Variants in PRKG1 observed in about 807,000 individuals in gnomAD.
PRKG1 encodes protein kinase cGMP-dependent 1, also known as cGMP-dependent protein kinase 1.
PRKG1 carries 35 observed loss-of-function variants against 88.1 expected under a neutral mutation model. The ratio of observed to expected loss-of-function variants is 0.40; its 90% CI spans 0.30 to 0.53. The LOEUF (loss-of-function observed/expected upper bound fraction) is 0.53. PRKG1 is among the 20% of genes least tolerant of loss of function. PRKG1 has a pLI of 0.59. For missense variants in PRKG1, 540 were observed against 839.8 expected, an observed-to-expected ratio of 0.64 and a Z score of 4.41; for synonymous variants, 303 against 292.5, an observed-to-expected ratio of 1.04 and a Z score of -0.37.
At chr10:51,595,212 G>C (rs1462484428) in intron 3 of PRKG1, among the ~76,000 whole-genome samples, 6 of 152,172 alleles carry the variant, frequency 3.9e-5, no homozygotes, top group Admixed American at 3.9e-4. Context: ...GCTGGAGGTA[G>C]TAGAGCATGC....
At chr10:51,712,405 G>C (rs1348449946) in intron 3 of PRKG1, among the ~76,000 whole-genome samples, 1 of 152,048 alleles carries the variant, frequency 6.6e-6, no homozygotes, top group Non-Finnish European at 1.5e-5. Flanking sequence ...CAACTGCCAA[G>C]GTGCCATATT....
chr10:51,863,453 G>A (rs1411736852), intron 4 of PRKG1, among the ~76,000 whole-genome samples: 8 of 151,950 alleles, frequency 5.3e-5, no homozygotes, highest in Non-Finnish European at 8.8e-5. Context: ...ATTCCTTTGT[G>A]CCACCAATCT....
At chr10:51,747,535 G>T (rs1837611759) in intron 3 of PRKG1, among the ~76,000 whole-genome samples, 2 of 152,162 alleles carry the variant, frequency 1.3e-5, no homozygotes, top group African/African-American at 4.8e-5. Context: ...CCAAGGTTTT[G>T]ATTGTGTAGG....
chr10:51,341,643 C>G (rs1219227287), intron 2 of PRKG1, among the ~76,000 whole-genome samples: 1 of 152,064 alleles, frequency 6.6e-6, no homozygotes, highest in Non-Finnish European at 1.5e-5. Context: ...TCTCCTGGCA[C>G]TTGATATTTG....
At chr10:52,172,714 A>G (rs1215839070) in intron 9 of PRKG1, among the ~76,000 whole-genome samples, 2 of 152,236 alleles carry the variant, frequency 1.3e-5, no homozygotes, top group Non-Finnish European at 2.9e-5. Flanking sequence ...CTGCTTTGCA[A>G]GTAAGGTTGA....
chr10:52,290,407 A>G lies in PRKG1; in HGVS notation c.1962+117A>G, dbSNP rs10508970. The G allele has an allele frequency of 3.7e-3, 3,119 of 853,876 alleles. 100 individuals are homozygous for G. The Admixed American group carries it at 0.059, about 16-fold the overall frequency. 52.9% of individuals were successfully genotyped at this position (853,876 alleles called of 1,614,324 possible). ...ATGATTAAGTTAAACAAACTCTAGGAAAAATGTCACATTAAAATAATGACA... is the reference window on the plus strand; with the variant it reads ...ATGATTAAGTTAAACAAACTCTAGGGAAAATGTCACATTAAAATAATGACA... On this transcript the variant is annotated intron_variant, in intron 17 of 17. Transcript: ENST00000373980.
intron 5 of PRKG1, chr10:51,909,397 A>G (rs1176892149): frequency 6.6e-6 from 1 of 152,214 alleles, no homozygotes; most frequent in Non-Finnish European, 1.5e-5. Flanking sequence ...AACAATTATT[A>G]TAAAACCATG....
intron 5 of PRKG1, among the ~76,000 whole-genome samples, chr10:51,942,959 T>G (rs1473992915): frequency 6.6e-6 from 1 of 151,740 alleles, no homozygotes; most frequent in Non-Finnish European, 1.5e-5. Context: ...TCCATATGAA[T>G]TTGAAAGTAG....
At chr10:51,030,439 C>A (rs929145329) in intron 1 of PRKG1, among the ~76,000 whole-genome samples, 1 of 152,090 alleles carries the variant, frequency 6.6e-6, no homozygotes, top group Non-Finnish European at 1.5e-5. Context: ...CAAAGGACTA[C>A]TTGTCTGTTA....
intron 2 of PRKG1, among the ~76,000 whole-genome samples, chr10:51,415,433 G>C (rs1023226365): frequency 3.3e-5 from 5 of 151,990 alleles, no homozygotes; most frequent in Non-Finnish European, 7.4e-5. Flanking sequence ...GCTTCTGTTG[G>C]GGAGGCTCCC....
At chr10:51,177,515 A>T (rs908960212) in intron 2 of PRKG1, among the ~76,000 whole-genome samples, 1 of 152,156 alleles carries the variant, frequency 6.6e-6, no homozygotes, top group Non-Finnish European at 1.5e-5. Context: ...TGACCACATC[A>T]CATCCTCTTT....
chr10:51,987,317 G>A (rs1844186378), intron 5 of PRKG1, among the ~76,000 whole-genome samples: 1 of 151,912 alleles, frequency 6.6e-6, no homozygotes, highest in African/African-American at 2.4e-5. Context: ...AAAATTCGAG[G>A]GTTATGTGGT....
At chr10:52,139,264 G>A (rs1311628866) in intron 8 of PRKG1, among the ~76,000 whole-genome samples, 2 of 152,116 alleles carry the variant, frequency 1.3e-5, no homozygotes, top group Non-Finnish European at 2.9e-5. Context: ...AGACAAATTG[G>A]TGTCTGTATT....
chr10:51,590,502 A>G (rs1032733069), intron 3 of PRKG1, among the ~76,000 whole-genome samples: 1 of 152,230 alleles, frequency 6.6e-6, no homozygotes, highest in Non-Finnish European at 1.5e-5. Context: ...GATTGTAAGA[A>G]GAATATTTTA....
intron 7 of PRKG1, among the ~76,000 whole-genome samples, chr10:52,071,488 A>G (rs1846495332): frequency 1.3e-5 from 2 of 152,122 alleles, no homozygotes; most frequent in South Asian, 2.1e-4. Context: ...TATCTTTTAC[A>G]TTGTTTCTTA....
chr10:51,972,283 T>C (rs1476027405), intron 5 of PRKG1, among the ~76,000 whole-genome samples: 1 of 152,208 alleles, frequency 6.6e-6, no homozygotes, highest in African/African-American at 2.4e-5. Context: ...TTAAAAGTAT[T>C]CTGTTTGATA....
intron 1 of PRKG1, among the ~76,000 whole-genome samples, chr10:51,036,460 G>A (rs552098839): frequency 6.6e-6 from 1 of 152,118 alleles, no homozygotes; most frequent in South Asian, 2.1e-4. Context: ...TGGGGTGACT[G>A]GGGGGTGCAG....
At chr10:51,706,828 G>C (rs1325559794) in intron 3 of PRKG1, among the ~76,000 whole-genome samples, 1 of 151,884 alleles carries the variant, frequency 6.6e-6, no homozygotes, top group African/African-American at 2.4e-5. Context: ...AATGTCACCT[G>C]TATTGGATTA....
chr10:51,468,769 T>A (rs1322379313), intron 3 of PRKG1, among the ~76,000 whole-genome samples: 1 of 151,922 alleles, frequency 6.6e-6, no homozygotes, highest in African/African-American at 2.4e-5. Flanking sequence ...ATTAGTTTTA[T>A]CTGGATCTCG....
Sources: gnomAD v4.1 joint callset for allele counts (sites outside exome capture counted in the v4.1 genomes callset) on GRCh38, gnomAD v4.1.1 for gene constraint, MANE v1.5 for transcripts, NCBI Gene and HGNC (gene_info 2026-07-23, HGNC 2026-07-21) for gene names.